ZGPAT: variants seen among roughly 807,000 people sequenced by gnomAD.
The protein encoded by ZGPAT is zinc finger CCCH-type with G patch domain-containing protein.
ZGPAT carries 39 observed loss-of-function variants against 47.9 expected under a neutral mutation model. That is an observed-to-expected ratio of 0.81 (90% CI 0.63 to 1.06). ZGPAT has a LOEUF of 1.06. ZGPAT is among the 50% of genes least tolerant of loss of function. ZGPAT has a pLI of 0.00. For missense variants in ZGPAT, 717 were observed against 681.4 expected (o/e 1.05, Z -0.58); for synonymous variants, 348 against 292.9 (o/e 1.19, Z -1.92).
rs752739664 is a variant in ZGPAT at position 63,733,543 on chromosome 20, C to G, written c.719-44C>G. On this transcript the variant is annotated intron_variant, in intron 3 of 6. Transcript: ENST00000355969. Reference sequence around the variant, plus strand: ...TCCAGGGTGGTTCCCTTCAGTGGCACCTGCTGTCAAGGATTCTGACCTGCA... The same window carrying G: ...TCCAGGGTGGTTCCCTTCAGTGGCAGCTGCTGTCAAGGATTCTGACCTGCA... The G allele has an allele frequency of 3.7e-6, 6 of 1,613,792 alleles. No homozygotes were observed. The Admixed American group carries it at 6.7e-5, about 18-fold the overall frequency.
chr20:63,708,984 G>A lies in ZGPAT; in HGVS notation c.404G>A (p.Ser135Asn), dbSNP rs2091616576. The A allele has an allele frequency of 6.2e-7, 1 of 1,613,554 alleles. No individual in the cohort carries two copies. The highest frequency in any genetic ancestry group is 8.5e-7 in the Non-Finnish European group (1 of 1,180,030). Residue 135 changes from serine to asparagine, a missense_variant, in exon 2 of 7, where the codon AGC becomes AAC. Ser to Asn is a conservative substitution (Grantham distance 46). Coordinates refer to ENST00000355969, the MANE Select transcript of ZGPAT (RefSeq NM_181485.3). The part of the protein sequence containing the change: ...DEEELSGTKV[S>N]APYYSSWGTL... Reference sequence around the variant, plus strand: ...GAAGAGCTGAGTGGGACAAAGGTGAGCGCGCCCTACTACAGCTCCTGGGGC... The same window carrying A: ...GAAGAGCTGAGTGGGACAAAGGTGAACGCGCCCTACTACAGCTCCTGGGGC...
At chr20:63,732,506 C>T (rs55791529) in intron 2 of ZGPAT, among the ~76,000 whole-genome samples, 104,527 of 142,404 alleles carry the variant, frequency 0.73, 36,540 homozygotes, top group South Asian at 0.79. Flanking sequence ...GGTGAGGGCA[C>T]GTGTGCGCGC....
At position 63,708,855 on chromosome 20, in the gene ZGPAT, C is replaced by T; in HGVS notation, c.275C>T (p.Ala92Val). 1 of 1,607,182 alleles carries T rather than the reference C, an allele frequency of 6.2e-7. No homozygotes were observed. Among genetic ancestry groups the T allele is most frequent in the Non-Finnish European group, 8.5e-7 (1 of 1,176,532 alleles). ...FREAITEAVE[A>V]PAAARGSGSE... ...GAGGCCATCACTGAGGCGGTGGAGG[C>T]ACCAGCAGCGGCCCGTGGGTCCGGA... The change falls in exon 2 of 7, where the codon GCA becomes GTA. Residue 92 changes from alanine to valine, a missense_variant. Ala to Val is a moderately conservative substitution (Grantham distance 64, BLOSUM62 0). Coordinates refer to ENST00000355969, the MANE Select transcript of ZGPAT (RefSeq NM_181485.3).
rs774632294 is a variant in ZGPAT at position 63,735,809 on chromosome 20, G to C, written c.1426G>C (p.Glu476Gln). The stretch of plus-strand genomic sequence containing the variant: ...TAGCGTGGCGTCAGCCCAGCTGCAG[G>C]AGAAGCTGGCAGGAGCCCAGCGCCA... ...RHSVASAQLQ[E>Q]KLAGAQRQLG... Residue 476 changes from glutamate (E) to glutamine (Q), a missense_variant, in exon 7 of 7, where the codon GAG becomes CAG. Glu to Gln is a conservative substitution (Grantham distance 29). Coordinates refer to ENST00000355969, the MANE Select transcript of ZGPAT (RefSeq NM_181485.3). 1 of 1,610,924 alleles carries C rather than the reference G, an allele frequency of 6.2e-7. No individual in the cohort carries two copies. Among genetic ancestry groups the C allele is most frequent in the Non-Finnish European group, 8.5e-7 (1 of 1,179,186 alleles).
At chr20:63,727,958 T>C (rs936841932) in intron 2 of ZGPAT, among the ~76,000 whole-genome samples, 2 of 152,118 alleles carry the variant, frequency 1.3e-5, no homozygotes, top group African/African-American at 4.8e-5. Context: ...TTGTTTTAGT[T>C]AAGTTGTTTG....
chr20:63,724,561 T>G (rs1188357478), intron 2 of ZGPAT, among the ~76,000 whole-genome samples: 1 of 152,056 alleles, frequency 6.6e-6, no homozygotes, highest in Non-Finnish European at 1.5e-5. Context: ...GTATACTTGT[T>G]TTTTTGTATC....
chr20:63,709,541 G>A (rs555488997), intron 2 of ZGPAT, among the ~76,000 whole-genome samples: 5 of 152,276 alleles, frequency 3.3e-5, no homozygotes, highest in Admixed American at 2.0e-4. Flanking sequence ...GGAGGCTGAG[G>A]CAGGAGAATT....
chr20:63,735,865 C>G lies in ZGPAT; in HGVS notation c.1482C>G (p.Gly494=), dbSNP rs769924708. ...QLGQLRAQEA[G]LQQEQRKADT... is the part of the protein sequence containing the mutation. ...GGCAGCTCCGGGCTCAGGAAGCCGG[C>G]CTGCAGCAGGAGCAGAGGAAGGCAG... The change falls in exon 7 of 7, where the codon GGC becomes GGG. Residue 494 remains glycine (G), a synonymous_variant. Transcript: ENST00000355969. 6.2e-7 allele frequency: 1 copy of G among 1,612,902 alleles called. No individual in the cohort carries two copies. The highest frequency in any genetic ancestry group is 2.2e-5 in the East Asian group (1 of 44,874).
At chr20:63,713,774 G>A (rs1463964200) in intron 2 of ZGPAT, among the ~76,000 whole-genome samples, 2 of 151,438 alleles carry the variant, frequency 1.3e-5, no homozygotes, top group Non-Finnish European at 2.9e-5. Context: ...AGGAGGCTGA[G>A]GCAAGAGAAT....
At chr20:63,735,705 A>C in intron 6 of ZGPAT, 76 bp from the exon 7 acceptor site, 2 of 1,541,566 alleles carry the variant, frequency 1.3e-6, no homozygotes, top group Non-Finnish European at 1.8e-6. Flanking sequence ...CAGCGGGCAC[A>C]CAGGCAGTGG....
intron 2 of ZGPAT, among the ~76,000 whole-genome samples, chr20:63,725,460 TGAG>T (rs1241205043): frequency 6.6e-6 from 1 of 152,244 alleles, no homozygotes; most frequent in African/African-American, 2.4e-5. Flanking sequence ...TTGTTTCTGA[TGAG>T]AAGTCATCTG....
intron 2 of ZGPAT, among the ~76,000 whole-genome samples, chr20:63,725,678 A>G (rs1477351968): frequency 6.7e-6 from 1 of 148,446 alleles, no homozygotes; most frequent in Non-Finnish European, 1.5e-5. Context: ...GTTTTTACTC[A>G]TCATTTCAAC....
At chr20:63,719,671 G>A (rs2091767361) in intron 2 of ZGPAT, among the ~76,000 whole-genome samples, 1 of 150,286 alleles carries the variant, frequency 6.7e-6, no homozygotes, top group Non-Finnish European at 1.5e-5. Context: ...GTTAGACATG[G>A]TTCTTTTGTT....
chr20:63,731,541 AGT>A (rs1157723683), intron 2 of ZGPAT, among the ~76,000 whole-genome samples: 1 of 101,098 alleles, frequency 9.9e-6, no homozygotes, highest in Non-Finnish European at 2.3e-5. Context: ...ACGTGTGTAA[AGT>A]GTACAGTTGG....
chr20:63,731,311 C>T (rs2145689384), intron 2 of ZGPAT, among the ~76,000 whole-genome samples: 1 of 147,806 alleles, frequency 6.8e-6, no homozygotes, highest in South Asian at 2.2e-4. Context: ...TGTGTGTGTG[C>T]ATGTGCATAC....
intron 2 of ZGPAT, among the ~76,000 whole-genome samples, chr20:63,723,047 C>T (rs2091804353): frequency 6.6e-6 from 1 of 152,062 alleles, no homozygotes; most frequent in African/African-American, 2.4e-5. Context: ...ATAGTTCCAT[C>T]CTCCCTCCTC....
At chr20:63,717,252 G>C (rs1445034324) in intron 2 of ZGPAT, among the ~76,000 whole-genome samples, 1 of 150,904 alleles carries the variant, frequency 6.6e-6, no homozygotes, top group Non-Finnish European at 1.5e-5. Flanking sequence ...CTGCTGGTTT[G>C]GGTTTAATTT....
At chr20:63,714,065 A>G (rs901612487) in intron 2 of ZGPAT, among the ~76,000 whole-genome samples, 9 of 152,228 alleles carry the variant, frequency 5.9e-5, no homozygotes, top group Admixed American at 5.2e-4. Context: ...TCTAGTTTGC[A>G]TGGCATTTAT....
At chr20:63,733,500 C>G in intron 3 of ZGPAT, 87 bp from the exon 4 acceptor site, 5 of 1,610,042 alleles carry the variant, frequency 3.1e-6, no homozygotes, top group Non-Finnish European at 4.2e-6. Context: ...CAGCCTCTGC[C>G]CTGCCTTGCT....
Sources: allele counts gnomAD v4.1 joint callset (sites outside exome capture counted in the v4.1 genomes callset), GRCh38; gene constraint gnomAD v4.1.1; transcripts MANE v1.5; gene names NCBI Gene and HGNC (gene_info 2026-07-23, HGNC 2026-07-21).